EYA2: variants seen among roughly 807,000 people sequenced by gnomAD.
EYA2 encodes EYA transcriptional coactivator and phosphatase 2.
Under a neutral mutation model 69.2 loss-of-function variants are expected in EYA2, and 31 were observed. The ratio of observed to expected loss-of-function variants is 0.45; its 90% CI spans 0.34 to 0.60. The LOEUF is 0.60. Among genes scored for constraint, EYA2 ranks in the 20% least tolerant of loss-of-function variants. The pLI is 0.02. For missense variants in EYA2, 622 were observed against 701.2 expected (o/e 0.89, Z 1.28); for synonymous variants, 257 against 279.4 (o/e 0.92, Z 0.80).
chr20:47,026,265 A>G (rs761684547), intron 5 of EYA2, among the ~76,000 whole-genome samples: 10 of 152,228 alleles, frequency 6.6e-5, no homozygotes, highest in Non-Finnish European at 1.5e-4. Context: ...ACTACCAGAA[A>G]ACAAATCCAA....
At chr20:47,009,631 A>G (rs1400028658) in intron 4 of EYA2, among the ~76,000 whole-genome samples, 2 of 152,172 alleles carry the variant, frequency 1.3e-5, no homozygotes, top group African/African-American at 4.8e-5. Flanking sequence ...AGAAGAGATC[A>G]ACAAACTTTT....
In EYA2 at chr20:46,960,190, C is replaced by T. The variant is rs138611924; in HGVS notation, c.-10-29811C>T. On this transcript the variant is annotated intron_variant, in intron 1 of 15. Transcript: ENST00000327619. ...ACTTACTATGCACCAACAAAGCACT[C>T]GGCATGTATTCACTCATTTCACGCC... Among the ~76,000 whole-genome samples, 8 of 152,128 alleles carry T rather than the reference C, an allele frequency of 5.3e-5. No homozygotes were observed. In the South Asian group the frequency reaches 1.0e-3, roughly 20 times the overall value.
At chr20:46,967,646 T>TAC (rs1241581373) in intron 1 of EYA2, among the ~76,000 whole-genome samples, 1 of 152,096 alleles carries the variant, frequency 6.6e-6, no homozygotes, top group Non-Finnish European at 1.5e-5. Context: ...TTTTAAGGGA[T>TAC]ACCAGGTAAA....
chr20:47,078,180 GTT>G (rs1342032614), intron 7 of EYA2, among the ~76,000 whole-genome samples: 1 of 152,170 alleles, frequency 6.6e-6, no homozygotes, highest in Non-Finnish European at 1.5e-5. Flanking sequence ...GGTTGAGATG[GTT>G]TTTACTGTGT....
chr20:46,963,664 T>C (rs1208218092), intron 1 of EYA2, among the ~76,000 whole-genome samples: 1 of 152,182 alleles, frequency 6.6e-6, no homozygotes. Context: ...AGCCTGAGCA[T>C]TGATATTTAA....
At chr20:46,978,604 G>A (rs1209064632) in intron 1 of EYA2, 1 of 534,696 alleles carries the variant, frequency 1.9e-6, no homozygotes, top group Non-Finnish European at 3.8e-6. Flanking sequence ...TAAGAGCAAT[G>A]GAAAGCCGTC....
At chr20:47,063,009 TG>T (rs2030954301) in intron 5 of EYA2, among the ~76,000 whole-genome samples, 1 of 152,176 alleles carries the variant, frequency 6.6e-6, no homozygotes, top group Non-Finnish European at 1.5e-5. Context: ...AGACAGGCCA[TG>T]GGGGCAGTGT....
intron 9 of EYA2, among the ~76,000 whole-genome samples, chr20:47,134,797 T>G (rs770501717): frequency 1.3e-5 from 2 of 152,192 alleles, no homozygotes; most frequent in Non-Finnish European, 2.9e-5. Flanking sequence ...AGTGATCAAA[T>G]GGGCACTGCT....
chr20:47,175,532 G>A (rs1412414777), intron 12 of EYA2, among the ~76,000 whole-genome samples: 3 of 152,124 alleles, frequency 2.0e-5, no homozygotes, highest in East Asian at 1.9e-4. Context: ...TATACACAAG[G>A]ATTCATGCCA....
intron 1 of EYA2, among the ~76,000 whole-genome samples, chr20:46,961,063 A>C (rs995292610): frequency 5.3e-5 from 8 of 152,212 alleles, no homozygotes; most frequent in African/African-American, 1.9e-4. Context: ...GGCCGAGCAC[A>C]GTGGCTCATG....
intron 1 of EYA2, among the ~76,000 whole-genome samples, chr20:46,938,188 G>C (rs1056802484): frequency 5.9e-5 from 9 of 152,172 alleles, no homozygotes; most frequent in African/African-American, 1.9e-4. Flanking sequence ...AAATGTACCA[G>C]TATGGCACAG....
intron 5 of EYA2, among the ~76,000 whole-genome samples, chr20:47,028,962 T>C (rs1221488180): frequency 6.6e-6 from 1 of 152,250 alleles, no homozygotes; most frequent in Non-Finnish European, 1.5e-5. Context: ...CAGAAATCTT[T>C]TATAAGAAAT....
At chr20:47,083,922 C>T (rs1174349652) in intron 7 of EYA2, among the ~76,000 whole-genome samples, 1 of 152,110 alleles carries the variant, frequency 6.6e-6, no homozygotes, top group African/African-American at 2.4e-5. Context: ...TGTTCAAAAT[C>T]CAATAATAAG....
At chr20:47,114,054 T>G (rs2032824541) in intron 9 of EYA2, among the ~76,000 whole-genome samples, 1 of 152,150 alleles carries the variant, frequency 6.6e-6, no homozygotes, top group African/African-American at 2.4e-5. Flanking sequence ...ATGAGTCAGC[T>G]CTTCTGTCGG....
At chr20:47,131,267 A>G (rs2033335217) in intron 9 of EYA2, among the ~76,000 whole-genome samples, 1 of 152,218 alleles carries the variant, frequency 6.6e-6, no homozygotes, top group African/African-American at 2.4e-5. Context: ...ATTAGAAGAC[A>G]TTAATATCCT....
At chr20:46,904,602 GA>G (rs1007910885) in intron 1 of EYA2, among the ~76,000 whole-genome samples, 2 of 151,956 alleles carry the variant, frequency 1.3e-5, no homozygotes, top group Non-Finnish European at 2.9e-5. Context: ...TAATGGGAAG[GA>G]AAAAAATGAG....
chr20:47,055,343 G>A (rs1283489988), intron 5 of EYA2, among the ~76,000 whole-genome samples: 1 of 152,202 alleles, frequency 6.6e-6, no homozygotes, highest in Non-Finnish European at 1.5e-5. Context: ...AGGAAGAATA[G>A]GTATTTGGTC....
intron 1 of EYA2, chr20:46,901,758 A>C (rs1032543456): frequency 9.2e-5 from 14 of 152,290 alleles, no homozygotes; most frequent in South Asian, 2.1e-4. Flanking sequence ...TGACTCCTAG[A>C]GTAGAGGGAA....
At chr20:47,129,711 G>A (rs989893801) in intron 9 of EYA2, among the ~76,000 whole-genome samples, 5 of 152,180 alleles carry the variant, frequency 3.3e-5, no homozygotes, top group African/African-American at 1.2e-4. Context: ...CCAGCACACA[G>A]AGGGGCTCCT....
Sources: allele counts gnomAD v4.1 joint callset (sites outside exome capture counted in the v4.1 genomes callset), GRCh38; gene constraint gnomAD v4.1.1; transcripts MANE v1.5; gene names NCBI Gene and HGNC (gene_info 2026-07-23, HGNC 2026-07-21).